Variants in FGGY observed in about 807,000 individuals in gnomAD.
FGGY encodes FGGY carbohydrate kinase domain-containing protein.
FGGY carries 72 observed loss-of-function variants against 71.3 expected under a neutral mutation model. The ratio of observed to expected loss-of-function variants is 1.01; its 90% confidence interval spans 0.84 to 1.23. The LOEUF (loss-of-function observed/expected upper bound fraction) is 1.23, where lower values mean the gene tolerates loss of function less well. Among genes scored for constraint, FGGY ranks in the 50% most tolerant of loss-of-function variants. The probability of loss-of-function intolerance (pLI) is 0.00; values close to 1 mark genes in which losing one functional copy is unlikely to be tolerated. For missense variants in FGGY, 668 were observed against 682.3 expected (o/e 0.98, Z 0.23); for synonymous variants, 251 against 250.3 (o/e 1.00, Z -0.02).
At chr1:59,707,137 G>T (rs1417934240) in intron 14 of FGGY, among the ~76,000 whole-genome samples, 1 of 152,184 alleles carries the variant, frequency 6.6e-6, no homozygotes, top group African/African-American at 2.4e-5. Flanking sequence ...ACACAACTCA[G>T]GATGTCCATC....
chr1:59,616,225 G>C (rs961676850), intron 9 of FGGY, among the ~76,000 whole-genome samples: 22 of 152,258 alleles, frequency 1.4e-4, no homozygotes, highest in Middle Eastern at 6.8e-3. Context: ...GCAAAGTCTT[G>C]GAACCAAGCC....
chr1:59,735,920 A>C (rs750367859), intron 14 of FGGY, among the ~76,000 whole-genome samples: 2 of 152,118 alleles, frequency 1.3e-5, no homozygotes, highest in Non-Finnish European at 2.9e-5. Flanking sequence ...CTGGGACCTT[A>C]CACCCTGATA....
chr1:59,688,837 C>T (rs1180468115), intron 14 of FGGY, among the ~76,000 whole-genome samples: 5 of 151,956 alleles, frequency 3.3e-5, no homozygotes, highest in South Asian at 2.1e-4. Context: ...GCAACCTCCA[C>T]CTCCCTGGTT....
At chr1:59,522,475 T>C (rs1051013035) in intron 7 of FGGY, among the ~76,000 whole-genome samples, 1 of 151,838 alleles carries the variant, frequency 6.6e-6, no homozygotes, top group Non-Finnish European at 1.5e-5. Context: ...AGCACAGGAG[T>C]CTGGGTTCCA....
At chr1:59,399,636 C>G (rs2061707855) in intron 5 of FGGY, among the ~76,000 whole-genome samples, 1 of 152,132 alleles carries the variant, frequency 6.6e-6, no homozygotes, top group African/African-American at 2.4e-5. Context: ...ACTTACTGTG[C>G]ATTCTTGACA....
intron 10 of FGGY, among the ~76,000 whole-genome samples, chr1:59,632,408 C>T (rs146314947): frequency 7.0e-4 from 106 of 152,260 alleles, no homozygotes; most frequent in African/African-American, 2.4e-3. Context: ...TGTTATTCCT[C>T]TGAGGACAGC....
chr1:59,709,466 TCACACACACA>T (rs111353878), intron 14 of FGGY, among the ~76,000 whole-genome samples: 10 of 142,766 alleles, frequency 7.0e-5, no homozygotes, highest in South Asian at 6.9e-4. Context: ...TGAAACTATA[TCACACACACA>T]CACACACACA....
upstream of FGGY, chr1:59,296,805 C>T (rs1311282127): frequency 6.5e-6 from 1 of 152,832 alleles, no homozygotes; most frequent in African/African-American, 2.4e-5. Flanking sequence ...CAAGGCGGGG[C>T]TGTAGCCGCC....
intron 6 of FGGY, among the ~76,000 whole-genome samples, chr1:59,498,589 C>A (rs1304813151): frequency 6.6e-6 from 1 of 152,096 alleles, no homozygotes. Flanking sequence ...CTGGGCTCCA[C>A]ACCACAGTTT....
Position 59,586,078 on chromosome 1 carries a change from G to C in FGGY, c.904-21725G>C, listed in dbSNP as rs540476382. 4.9e-4 allele frequency among the ~76,000 whole-genome samples: 75 copies of C among 152,284 alleles called. 1 individual carries two copies. Among genetic ancestry groups the C allele is most frequent in the African/African-American group, 1.7e-3 (69 of 41,570 alleles). On this transcript the variant is annotated intron_variant, in intron 8 of 15. Transcript: ENST00000303721. ...CTGTTGTTGGGACTGTAAACTAGTT[G>C]AACCATTGTGGAAGTCAGTGTGGCG...
At chr1:59,533,293 G>A (rs1449889653) in intron 7 of FGGY, among the ~76,000 whole-genome samples, 5 of 152,210 alleles carry the variant, frequency 3.3e-5, no homozygotes, top group Admixed American at 1.3e-4. Flanking sequence ...GCGCTTTTCC[G>A]ACGGGCTTAA....
At chr1:59,320,982 T>C (rs2046286175) in intron 1 of FGGY, among the ~76,000 whole-genome samples, 1 of 152,204 alleles carries the variant, frequency 6.6e-6, no homozygotes, top group Non-Finnish European at 1.5e-5. Context: ...TCTCTTGGAA[T>C]CTCACCTTGA....
At chr1:59,546,331 C>T (rs1340974184) in intron 7 of FGGY, among the ~76,000 whole-genome samples, 5 of 149,964 alleles carry the variant, frequency 3.3e-5, no homozygotes, top group Admixed American at 1.3e-4. Flanking sequence ...TGAACCATTA[C>T]GCCCTAACTA....
intron 14 of FGGY, among the ~76,000 whole-genome samples, chr1:59,744,379 C>A (rs1420080057): frequency 6.6e-6 from 1 of 152,232 alleles, no homozygotes; most frequent in African/African-American, 2.4e-5. Flanking sequence ...TGCCACCACA[C>A]CCAGCTAATT....
intron 4 of FGGY, among the ~76,000 whole-genome samples, chr1:59,365,407 C>T (rs1311679836): frequency 3.3e-5 from 5 of 152,176 alleles, no homozygotes; most frequent in Non-Finnish European, 7.3e-5. Context: ...GCTCCAAGAC[C>T]TGTTCACCCT....
At chr1:59,668,331 G>T (rs950349850) in intron 13 of FGGY, among the ~76,000 whole-genome samples, 1 of 152,158 alleles carries the variant, frequency 6.6e-6, no homozygotes, top group African/African-American at 2.4e-5. Flanking sequence ...ACCCATCACT[G>T]GGTGGCCAGG....
At chr1:59,652,354 A>G (rs949736654) in intron 11 of FGGY, among the ~76,000 whole-genome samples, 1 of 150,278 alleles carries the variant, frequency 6.7e-6, no homozygotes, top group Non-Finnish European at 1.5e-5. Context: ...GTGTTTTGCA[A>G]CTTGGTTCCA....
At chr1:59,466,289 A>ACTGGCTAGCCATATGTAGAAAG (rs2092622334) in intron 6 of FGGY, among the ~76,000 whole-genome samples, 1 of 152,184 alleles carries the variant, frequency 6.6e-6, no homozygotes, top group Non-Finnish European at 1.5e-5. Context: ...TGCTGGGAAA[A>ACTGGCTAGCCATATGTAGAAAG]CTGGCTAGCC....
chr1:59,414,889 A>G (rs2064134146), intron 5 of FGGY, among the ~76,000 whole-genome samples: 1 of 152,256 alleles, frequency 6.6e-6, no homozygotes, highest in Non-Finnish European at 1.5e-5. Context: ...CTCCACACCC[A>G]TCAGCATCCT....
Sources: gnomAD v4.1 joint callset for allele counts (sites outside exome capture counted in the v4.1 genomes callset) on GRCh38, gnomAD v4.1.1 for gene constraint, MANE v1.5 for transcripts, NCBI Gene and HGNC (gene_info 2026-07-23, HGNC 2026-07-21) for gene names.